COG5: variants seen among roughly 807,000 people sequenced by gnomAD.
COG5 encodes the protein conserved oligomeric Golgi complex subunit 5.
COG5 carries 86 observed loss-of-function variants against 110.4 expected under a neutral mutation model. The observed-to-expected ratio is 0.78, with a 90% confidence interval of 0.65 to 0.93. COG5 has a LOEUF of 0.93. Among genes scored for constraint, COG5 ranks in the 40% least tolerant of loss-of-function variants. The pLI is 0.00. For synonymous variants in COG5, 360 were observed against 334.6 expected (o/e 1.08, Z -0.83); for missense variants, 1,077 against 987.0 (o/e 1.09, Z -1.22).
At chr7:107,419,606 C>T (rs1464635821) in intron 6 of COG5, among the ~76,000 whole-genome samples, 2 of 148,182 alleles carry the variant, frequency 1.3e-5, no homozygotes, top group South Asian at 2.1e-4. Flanking sequence ...TCACTCTTGT[C>T]GCCCAGGCTG....
At chr7:107,468,741 A>T (rs1417919547) in intron 6 of COG5, among the ~76,000 whole-genome samples, 3 of 152,148 alleles carry the variant, frequency 2.0e-5, no homozygotes, top group Non-Finnish European at 4.4e-5. Context: ...TAATAAGAGA[A>T]TAGTTCCAAT....
At position 107,563,877 on chromosome 7, in the gene COG5, C is replaced by T; in HGVS notation, c.20G>A (p.Ser7Asn). The change falls in exon 1 of 22, where the codon AGC (serine) becomes AAC (asparagine). Residue 7 changes from serine to asparagine, a missense_variant. Coordinates refer to ENST00000297135, the MANE Select transcript of COG5 (RefSeq NM_006348.5). ...AGCTCCGAGGCCAGCTACAGCGACG[C>T]TGCCGCCGCCACCTTCCATGTTGGC... Reference protein sequence around the residue: MEGGGGSVAVAGLGARG... With the variant: MEGGGGNVAVAGLGARG... 6.2e-7 allele frequency: 1 copy of T among 1,613,632 alleles called. No individual in the cohort carries two copies. Among genetic ancestry groups the T allele is most frequent in the Non-Finnish European group, 8.5e-7 (1 of 1,179,968 alleles).
chr7:107,334,447 TCAAA>T (rs1454640463), intron 10 of COG5, among the ~76,000 whole-genome samples: 2 of 151,020 alleles, frequency 1.3e-5, no homozygotes, highest in African/African-American at 4.9e-5. Flanking sequence ...TTGAAAAAAA[TCAAA>T]CAGATTACAA....
At chr7:107,405,048 A>C (rs181965299) in intron 7 of COG5, among the ~76,000 whole-genome samples, 51 of 152,234 alleles carry the variant, frequency 3.4e-4, no homozygotes, top group African/African-American at 1.2e-3. Flanking sequence ...TTGTCAAATA[A>C]TTTTCAATAT....
intron 6 of COG5, among the ~76,000 whole-genome samples, chr7:107,436,717 A>G (rs1351075230): frequency 1.3e-5 from 2 of 152,248 alleles, no homozygotes; most frequent in Non-Finnish European, 2.9e-5. Flanking sequence ...CAACTGATGG[A>G]AAGAAAACTA....
intron 14 of COG5, among the ~76,000 whole-genome samples, chr7:107,275,595 G>A (rs751172624): frequency 6.6e-6 from 1 of 151,574 alleles, no homozygotes; most frequent in Non-Finnish European, 1.5e-5. Flanking sequence ...TTGGTCTGTC[G>A]CCCAGGCTTG....
At chr7:107,494,637 T>A (rs572371204) in intron 6 of COG5, among the ~76,000 whole-genome samples, 1 of 152,284 alleles carries the variant, frequency 6.6e-6, no homozygotes, top group Non-Finnish European at 1.5e-5. Flanking sequence ...TCTATGATGT[T>A]TACACAAAGA....
intron 18 of COG5, among the ~76,000 whole-genome samples, chr7:107,234,274 C>T (rs1267072514): frequency 6.6e-6 from 1 of 152,116 alleles, no homozygotes; most frequent in Non-Finnish European, 1.5e-5. Flanking sequence ...AAACAAGAGG[C>T]CTTTGAGCAT....
chr7:107,399,445 G>A (rs1172240359), intron 7 of COG5, among the ~76,000 whole-genome samples: 1 of 152,020 alleles, frequency 6.6e-6, no homozygotes, highest in East Asian at 1.9e-4. Context: ...TCTCATGATA[G>A]TGAGTGAGTT....
intron 6 of COG5, among the ~76,000 whole-genome samples, chr7:107,416,530 T>C (rs1584796653): frequency 6.6e-6 from 1 of 152,148 alleles, no homozygotes; most frequent in Admixed American, 6.5e-5. Flanking sequence ...AATACACTAA[T>C]TCTTAAATTT....
At chr7:107,505,514 G>A (rs986664165) in intron 6 of COG5, among the ~76,000 whole-genome samples, 10 of 152,192 alleles carry the variant, frequency 6.6e-5, no homozygotes, top group African/African-American at 2.4e-4. Context: ...CAGAGAGGTT[G>A]TCTATAGGTA....
chr7:107,400,771 A>G (rs145332298), intron 7 of COG5, among the ~76,000 whole-genome samples: 91 of 152,316 alleles, frequency 6.0e-4, no homozygotes, highest in African/African-American at 1.9e-3. Context: ...AAAGTAGCCA[A>G]TGTTATTGTG....
intron 7 of COG5, among the ~76,000 whole-genome samples, chr7:107,398,354 G>A (rs967169355): frequency 6.6e-6 from 1 of 152,248 alleles, no homozygotes; most frequent in Non-Finnish European, 1.5e-5. Context: ...GTCGGTGGCT[G>A]TTAGGAACTG....
intron 7 of COG5, among the ~76,000 whole-genome samples, chr7:107,395,623 C>G (rs962803531): frequency 1.5e-5 from 2 of 134,468 alleles, no homozygotes; most frequent in African/African-American, 5.7e-5. Flanking sequence ...GGCAAGACCT[C>G]GGCTTACTGC....
intron 11 of COG5, among the ~76,000 whole-genome samples, chr7:107,317,050 AATG>A (rs1186371726): frequency 6.6e-6 from 1 of 152,148 alleles, no homozygotes; most frequent in East Asian, 1.9e-4. Context: ...TTATGGTCAC[AATG>A]ATATGATAGG....
At chr7:107,280,840 T>A (rs1184812913) in intron 14 of COG5, among the ~76,000 whole-genome samples, 4 of 151,998 alleles carry the variant, frequency 2.6e-5, no homozygotes, top group Non-Finnish European at 2.9e-5. Flanking sequence ...ATAAACATTT[T>A]TCTACTAAAA....
intron 14 of COG5, among the ~76,000 whole-genome samples, chr7:107,267,683 A>G (rs1351974515): frequency 1.3e-5 from 2 of 152,198 alleles, no homozygotes; most frequent in Non-Finnish European, 2.9e-5. Context: ...ACAGTTTATT[A>G]CTTTGAGGGA....
chr7:107,210,977 T>C (rs143562937), intron 20 of COG5, 122 bp downstream of exon 20: 1,678 of 1,158,116 alleles, frequency 1.4e-3, no homozygotes, highest in Non-Finnish European at 1.9e-3. Flanking sequence ...CTGTCAAAGA[T>C]AGACATAAGC....
chr7:107,362,293 C>G lies in COG5; in HGVS notation c.948+15G>C. ...AATCCATATTAATGTTTTTTCCACT[C>G]CTTCAAATATTTACCTGTCCACAAA... On this transcript the variant is annotated intron_variant, in intron 9 of 21. Transcript: ENST00000297135. 1 of 1,576,764 alleles carries G rather than the reference C, an allele frequency of 6.3e-7. No homozygotes were observed. Among genetic ancestry groups the G allele is most frequent in the Non-Finnish European group, 8.7e-7 (1 of 1,146,468 alleles).
Sources: allele counts gnomAD v4.1 joint callset (sites outside exome capture counted in the v4.1 genomes callset), GRCh38; gene constraint gnomAD v4.1.1; transcripts MANE v1.5; gene names NCBI Gene and HGNC (gene_info 2026-07-23, HGNC 2026-07-21).